Variants in TVP23C observed in about 807,000 individuals in gnomAD.
TVP23C encodes the protein trans-golgi network vesicle protein 23 homolog C, also known as Golgi apparatus membrane protein TVP23 homolog C.
A neutral mutation model predicts 28.7 loss-of-function variants in TVP23C; 19 were observed. That is an observed-to-expected ratio of 0.66 (90% CI 0.46 to 0.97). The LOEUF (loss-of-function observed/expected upper bound fraction) is 0.97. TVP23C is among the 50% of genes least tolerant of loss of function. The pLI, the probability that TVP23C is intolerant of heterozygous loss-of-function variation, is 0.00. For missense variants in TVP23C, 186 were observed against 241.3 expected, an observed-to-expected ratio of 0.77 and a Z score of 1.52; for synonymous variants, 68 against 81.7, an observed-to-expected ratio of 0.83 and a Z score of 0.90.
chr17:15,519,869 T>C (rs1982399244), intron 5 of TVP23C, among the ~76,000 whole-genome samples: 1 of 152,192 alleles, frequency 6.6e-6, no homozygotes, highest in African/African-American at 2.4e-5. Flanking sequence ...GCCACTGCAC[T>C]CCAGCTGGGG....
intron 5 of TVP23C, among the ~76,000 whole-genome samples, chr17:15,525,600 T>G (rs1299274417): frequency 1.3e-5 from 2 of 152,234 alleles, no homozygotes; most frequent in African/African-American, 4.8e-5. Context: ...TGGCCTGCCC[T>G]ACAGAATTTG....
rs113012020 is a variant in TVP23C, at chr17:15,519,850, C to T, written c.463-16618G>A. 7.7e-3 allele frequency among the ~76,000 whole-genome samples: 1,174 copies of T among 152,198 alleles called. 10 individuals carry two copies. Among genetic ancestry groups the T allele is most frequent in the East Asian group, 0.042 (220 of 5,178 alleles). On this transcript the variant is annotated intron_variant, in intron 5 of 5. Coordinates refer to the TVP23C transcript ENST00000225576. ...CCGGGAGGCGGAGCTTGCAGTGAGC[C>T]GAGATCGCGCCACTGCACTCCAGCT...
chr17:15,505,202 A>C (rs769837180), intron 5 of TVP23C, among the ~76,000 whole-genome samples: 9 of 152,208 alleles, frequency 5.9e-5, no homozygotes, highest in South Asian at 2.1e-4. Flanking sequence ...ACAACAACAA[A>C]AAAAACCCCT....
intron 5 of TVP23C, among the ~76,000 whole-genome samples, chr17:15,543,816 A>C (rs1277785459): frequency 6.6e-6 from 1 of 152,018 alleles, no homozygotes; most frequent in African/African-American, 2.4e-5. Flanking sequence ...AAAATTGCTG[A>C]ATAAATAAGG....
At chr17:15,521,125 TC>T (rs1389572027) in intron 5 of TVP23C, among the ~76,000 whole-genome samples, 15 of 151,738 alleles carry the variant, frequency 9.9e-5, no homozygotes, top group African/African-American at 3.2e-4. Flanking sequence ...AGATGAGAAT[TC>T]CCCCCACTTG....
At chr17:15,556,674 G>A (rs1196408609) in intron 1 of TVP23C, among the ~76,000 whole-genome samples, 1 of 152,122 alleles carries the variant, frequency 6.6e-6, no homozygotes, top group Admixed American at 6.5e-5. Flanking sequence ...AGGCTTCTAA[G>A]AGTGGTTCAC....
intron 5 of TVP23C, among the ~76,000 whole-genome samples, chr17:15,529,194 GTAATCCC>G (rs1982849623): frequency 6.6e-6 from 1 of 152,110 alleles, no homozygotes; most frequent in Admixed American, 6.6e-5. Context: ...GCTCACGCCT[GTAATCCC>G]AGCACTTTGG....
chr17:15,549,851 A>C (rs1234198947), intron 3 of TVP23C, among the ~76,000 whole-genome samples: 1 of 152,082 alleles, frequency 6.6e-6, no homozygotes, highest in Non-Finnish European at 1.5e-5. Context: ...AGCACTCCTT[A>C]GGAAGGGAAT....
chr17:15,505,857 G>C (rs1057198705), intron 5 of TVP23C, among the ~76,000 whole-genome samples: 1 of 152,226 alleles, frequency 6.6e-6, no homozygotes, highest in African/African-American at 2.4e-5. Context: ...CGGTGTACTG[G>C]GTCCCCCAGC....
chr17:15,533,953 T>C (rs1266200283), downstream of TVP23C, among the ~76,000 whole-genome samples: 1 of 152,234 alleles, frequency 6.6e-6, no homozygotes, highest in East Asian at 1.9e-4. Context: ...ACACAGAATC[T>C]TGCTAAGTTC....
intron 5 of TVP23C, among the ~76,000 whole-genome samples, chr17:15,520,223 A>T (rs1982415113): frequency 1.3e-5 from 2 of 151,466 alleles, no homozygotes; most frequent in Middle Eastern, 3.4e-3. Flanking sequence ...GGCCATACAG[A>T]ACACAAACAA....
intron 3 of TVP23C, among the ~76,000 whole-genome samples, chr17:15,553,214 T>C (rs1983972349): frequency 6.9e-6 from 1 of 145,518 alleles, no homozygotes; most frequent in Admixed American, 6.9e-5. Context: ...GGTGGCAAGC[T>C]TGTCTCTGGT....
At chr17:15,502,828 CTCT>C in exon 6 of TVP23C, 2 of 1,535,680 alleles carry the variant, frequency 1.3e-6, no homozygotes, top group South Asian at 2.6e-5. Context: ...CTCTCTCTCT[CTCT>C]CCTGCGAGGA....
downstream of TVP23C, among the ~76,000 whole-genome samples, chr17:15,534,611 A>ACCCC (rs34726957): frequency 8.6e-6 from 1 of 115,838 alleles, no homozygotes; most frequent in African/African-American, 3.3e-5. Context: ...ACACACACAC[A>ACCCC]CCCTTACCTA....
At chr17:15,513,673 T>A (rs1171958374) in intron 5 of TVP23C, among the ~76,000 whole-genome samples, 1 of 152,212 alleles carries the variant, frequency 6.6e-6, no homozygotes, top group Non-Finnish European at 1.5e-5. Context: ...ACCAGGAGGT[T>A]AGTATCCACC....
chr17:15,502,958 C>T, exon 6 of TVP23C: 1 of 1,614,144 alleles, frequency 6.2e-7, no homozygotes, highest in Non-Finnish European at 8.5e-7. Context: ...GGCCCAAAGC[C>T]GCAAGGAGAG....
At chr17:15,552,094 G>A (rs1190678741) in intron 3 of TVP23C, among the ~76,000 whole-genome samples, 2 of 152,120 alleles carry the variant, frequency 1.3e-5, no homozygotes, top group African/African-American at 4.8e-5. Context: ...TCTAAACCCA[G>A]AAAAATTTTA....
At position 15,555,257 on chromosome 17, in the gene TVP23C, C is replaced by G. The variant is rs1239617095; in HGVS notation, c.95+25G>C. ...TACAGAACAACACTGGACACTAACACAGCTCATGCAACTTCTCCTCCTACC... is the reference window on the plus strand; with the variant it reads ...TACAGAACAACACTGGACACTAACAGAGCTCATGCAACTTCTCCTCCTACC... On this transcript the variant is annotated intron_variant, in intron 2 of 5. Transcript: ENST00000518321. The G allele has an allele frequency of 3.1e-6, 5 of 1,613,768 alleles. No individual in the cohort carries two copies. The Admixed American group carries it at 6.7e-5, about 22-fold the overall frequency.
intron 5 of TVP23C, among the ~76,000 whole-genome samples, chr17:15,523,835 G>A (rs1202188016): frequency 4.0e-5 from 6 of 151,770 alleles, no homozygotes; most frequent in African/African-American, 7.3e-5. Context: ...GGATGGTCTC[G>A]ATCTCCTGAC....
Sources: gnomAD v4.1 joint callset for allele counts (sites outside exome capture counted in the v4.1 genomes callset) on GRCh38, gnomAD v4.1.1 for gene constraint, MANE v1.5 for transcripts, NCBI Gene and HGNC (gene_info 2026-07-23, HGNC 2026-07-21) for gene names.